ENTREP2: variants seen among roughly 807,000 people sequenced by gnomAD.
ENTREP2 encodes the protein protein ENTREP2.
the ENTREP2 span, among the ~76,000 whole-genome samples, chr15:29,519,150 C>T: frequency 6.6e-6 from 1 of 151,460 alleles, no homozygotes; most frequent in African/African-American, 2.4e-5. Flanking sequence ...TTCTCTCTCT[C>T]TCTCTCTCTC....
chr15:29,598,477 C>A, the ENTREP2 span, among the ~76,000 whole-genome samples: 1 of 152,142 alleles, frequency 6.6e-6, no homozygotes, highest in Non-Finnish European at 1.5e-5. Context: ...CATTTTGCAG[C>A]TAGTTTTGCT....
chr15:29,249,670 G>T, the ENTREP2 span, among the ~76,000 whole-genome samples: 1 of 152,192 alleles, frequency 6.6e-6, no homozygotes, highest in East Asian at 1.9e-4. Flanking sequence ...ATTCTATGAA[G>T]AACTCAGGGT....
the ENTREP2 span, among the ~76,000 whole-genome samples, chr15:29,381,428 G>A: frequency 1.5e-5 from 2 of 133,238 alleles, no homozygotes; most frequent in East Asian, 2.2e-4. Context: ...TGCACTCCAG[G>A]CTAGGTGACA....
the ENTREP2 span, among the ~76,000 whole-genome samples, chr15:29,553,546 C>T: frequency 2.0e-5 from 3 of 152,174 alleles, no homozygotes; most frequent in Non-Finnish European, 4.4e-5. Flanking sequence ...CCTATGTCCC[C>T]TCCCCTTAAA....
chr15:29,521,592 G>A, the ENTREP2 span, among the ~76,000 whole-genome samples: 1 of 152,204 alleles, frequency 6.6e-6, no homozygotes, highest in African/African-American at 2.4e-5. Flanking sequence ...TAAAACTAGG[G>A]AACTTTCCTC....
chr15:29,443,701 G>A, the ENTREP2 span, among the ~76,000 whole-genome samples: 1 of 152,064 alleles, frequency 6.6e-6, no homozygotes, highest in African/African-American at 2.4e-5. Flanking sequence ...TCCAAAGAGG[G>A]GTCTGAGAAA....
the ENTREP2 span, among the ~76,000 whole-genome samples, chr15:29,171,136 T>C: frequency 1.3e-5 from 2 of 152,176 alleles, no homozygotes; most frequent in African/African-American, 4.8e-5. Context: ...CACGACCCAA[T>C]CACCTATTAT....
chr15:29,138,392 T>C, the ENTREP2 span, among the ~76,000 whole-genome samples: 1 of 152,216 alleles, frequency 6.6e-6, no homozygotes, highest in African/African-American at 2.4e-5. Context: ...GCCTGGGACA[T>C]TGCTCCAGCT....
the ENTREP2 span, among the ~76,000 whole-genome samples, chr15:29,123,829 C>T: frequency 1.3e-5 from 2 of 152,182 alleles, no homozygotes; most frequent in Non-Finnish European, 2.9e-5. Context: ...CAACCCCAAA[C>T]TGAACTAGTG....
At chr15:29,454,027 CA>C in the ENTREP2 span, among the ~76,000 whole-genome samples, 3 of 152,308 alleles carry the variant, frequency 2.0e-5, no homozygotes, top group Admixed American at 2.0e-4. Context: ...TCAAAGGTCA[CA>C]AACACTTCTT....
the ENTREP2 span, among the ~76,000 whole-genome samples, chr15:29,260,610 T>C: frequency 6.9e-3 from 1,053 of 152,290 alleles, 8 homozygotes; most frequent in African/African-American, 0.024. Context: ...TGCCAAAATA[T>C]TTACAGGTAA....
At chr15:29,434,113 C>A in the ENTREP2 span, among the ~76,000 whole-genome samples, 1 of 152,136 alleles carries the variant, frequency 6.6e-6, no homozygotes, top group Non-Finnish European at 1.5e-5. Flanking sequence ...GTGTGGTTAC[C>A]GTGGCTCTAG....
chr15:29,137,313 A>G, the ENTREP2 span: 1 of 913,098 alleles, frequency 1.1e-6, no homozygotes, highest in African/African-American at 1.8e-5. Context: ...TTCAACTGTC[A>G]AGCCATGACT....
the ENTREP2 span, among the ~76,000 whole-genome samples, chr15:29,280,046 G>A: frequency 1.7e-4 from 26 of 152,144 alleles, no homozygotes; most frequent in East Asian, 7.7e-4. Flanking sequence ...TCACATTTCC[G>A]TTTTGATGTA....
At chr15:29,620,026 G>A in the ENTREP2 span, among the ~76,000 whole-genome samples, 3 of 152,104 alleles carry the variant, frequency 2.0e-5, no homozygotes, top group African/African-American at 7.3e-5. Flanking sequence ...CAGAACCAAT[G>A]GGATGATATA....
At chr15:29,307,542 C>T in the ENTREP2 span, among the ~76,000 whole-genome samples, 1 of 152,140 alleles carries the variant, frequency 6.6e-6, no homozygotes, top group Non-Finnish European at 1.5e-5. Context: ...AAAAAACTAA[C>T]TTACCTATTG....
At chr15:29,203,322 A>G in the ENTREP2 span, among the ~76,000 whole-genome samples, 1 of 152,176 alleles carries the variant, frequency 6.6e-6, no homozygotes, top group Non-Finnish European at 1.5e-5. Context: ...GAATGGCGTG[A>G]ACCCGGGAGG....
At chr15:29,514,941 C>CA in the ENTREP2 span, among the ~76,000 whole-genome samples, 28 of 152,296 alleles carry the variant, frequency 1.8e-4, no homozygotes, top group Non-Finnish European at 3.8e-4. Flanking sequence ...ATAGACAGGA[C>CA]AATGTCACCC....
the ENTREP2 span, among the ~76,000 whole-genome samples, chr15:29,597,129 C>A: frequency 6.6e-6 from 1 of 151,982 alleles, no homozygotes; most frequent in Non-Finnish European, 1.5e-5. Flanking sequence ...TTCAATCATC[C>A]CCCCAACTTC....
Sources: allele counts gnomAD v4.1 joint callset (sites outside exome capture counted in the v4.1 genomes callset), GRCh38; gene constraint gnomAD v4.1.1; transcripts MANE v1.5; gene names NCBI Gene and HGNC (gene_info 2026-07-23, HGNC 2026-07-21).